RIMS4: variants seen among roughly 807,000 people sequenced by gnomAD.
RIMS4 encodes the protein regulating synaptic membrane exocytosis 4, also known as regulating synaptic membrane exocytosis protein 4.
RIMS4 carries 9 observed loss-of-function variants against 29.0 expected under a neutral mutation model. That is an observed-to-expected ratio of 0.31 (90% CI 0.19 to 0.54). The LOEUF is 0.54. Among genes scored for constraint, RIMS4 ranks in the 20% least tolerant of loss-of-function variants. The pLI is 0.94. For synonymous variants in RIMS4, 130 were observed against 152.9 expected (o/e 0.85, Z 1.10); for missense variants, 193 against 365.7 (o/e 0.53, Z 3.85).
At chr20:44,767,945 GGCTGAGATTCT>G (rs1438471943) in intron 2 of RIMS4, among the ~76,000 whole-genome samples, 1 of 152,218 alleles carries the variant, frequency 6.6e-6, no homozygotes, top group Non-Finnish European at 1.5e-5. Context: ...CTGGGGTAGA[GGCTGAGATTCT>G]GCATATTTAA....
intron 1 of RIMS4, among the ~76,000 whole-genome samples, chr20:44,780,080 A>C (rs1256249300): frequency 1.3e-5 from 2 of 152,232 alleles, no homozygotes; most frequent in Non-Finnish European, 2.9e-5. Context: ...ACATTCAATA[A>C]ATACTGGCTA....
At chr20:44,775,077 ATT>A (rs909513106) in intron 1 of RIMS4, among the ~76,000 whole-genome samples, 8 of 152,200 alleles carry the variant, frequency 5.3e-5, no homozygotes, top group African/African-American at 1.9e-4. Context: ...TGGCCCTTTC[ATT>A]CTCTCAACAG....
chr20:44,808,093 T>C (rs2066306865), intron 1 of RIMS4, among the ~76,000 whole-genome samples: 1 of 147,116 alleles, frequency 6.8e-6, no homozygotes, highest in Admixed American at 7.1e-5. Flanking sequence ...TATATATATA[T>C]ATATACACAC....
At chr20:44,759,345 G>A (rs568811280) in intron 2 of RIMS4, among the ~76,000 whole-genome samples, 2 of 152,264 alleles carry the variant, frequency 1.3e-5, no homozygotes, top group East Asian at 3.9e-4. Flanking sequence ...GAACTCCTGG[G>A]TTTAAGCGTT....
At chr20:44,766,816 C>T (rs577300770) in intron 2 of RIMS4, among the ~76,000 whole-genome samples, 2 of 152,272 alleles carry the variant, frequency 1.3e-5, no homozygotes, top group East Asian at 1.9e-4. Context: ...GACTTCTAAC[C>T]GCCAGAGTCT....
At chr20:44,769,850 AAGCCCC>A (rs1211193472) in intron 2 of RIMS4, among the ~76,000 whole-genome samples, 1 of 152,176 alleles carries the variant, frequency 6.6e-6, no homozygotes, top group Non-Finnish European at 1.5e-5. Flanking sequence ...AGTGGAGGCC[AAGCCCC>A]AGCCCCACCT....
intron 1 of RIMS4, among the ~76,000 whole-genome samples, chr20:44,799,030 T>G (rs2066266628): frequency 6.6e-6 from 1 of 152,226 alleles, no homozygotes; most frequent in South Asian, 2.1e-4. Flanking sequence ...GAGCCGGGTG[T>G]GGTGGCTCAT....
intron 2 of RIMS4, among the ~76,000 whole-genome samples, chr20:44,767,943 G>A (rs2066120908): frequency 6.6e-6 from 1 of 152,210 alleles, no homozygotes; most frequent in East Asian, 1.9e-4. Flanking sequence ...GTCTGGGGTA[G>A]AGGCTGAGAT....
At chr20:44,762,313 A>C (rs977892306) in intron 2 of RIMS4, among the ~76,000 whole-genome samples, 5 of 151,998 alleles carry the variant, frequency 3.3e-5, no homozygotes, top group African/African-American at 9.7e-5. Context: ...GGGACCCCTG[A>C]CCTCTTTCAC....
chr20:44,781,862 A>AATCCC (rs1182930550), intron 1 of RIMS4, among the ~76,000 whole-genome samples: 1 of 152,160 alleles, frequency 6.6e-6, no homozygotes, highest in Non-Finnish European at 1.5e-5. Context: ...TGGCACTGGG[A>AATCCC]AGCTACACAA....
chr20:44,755,934 G>A lies in RIMS4; in HGVS notation c.*200C>T, dbSNP rs527901948. The stretch of plus-strand genomic sequence containing the variant: ...CCAAGTCAAAAGTGTAGCCAATCCC[G>A]TTGGGAGAGGGGAGGTCTCGGGGGT... On this transcript the variant is annotated 3_prime_UTR_variant, in exon 6 of 6. Coordinates refer to ENST00000372851, the MANE Select transcript of RIMS4 (RefSeq NM_182970.4). 5.9e-5 allele frequency: 33 copies of A among 557,932 alleles called. No homozygotes were observed. The highest frequency in any genetic ancestry group is 9.4e-5 in the African/African-American group (5 of 53,452). The allele number at this position is 557,932 out of a possible 1,614,324, so 34.6% of individuals were successfully genotyped here. A position where few individuals can be genotyped will look rare whatever the true frequency, so the allele number is the denominator to read the frequency against.
intron 1 of RIMS4, among the ~76,000 whole-genome samples, chr20:44,805,371 T>C (rs570575234): frequency 6.6e-6 from 1 of 152,262 alleles, no homozygotes; most frequent in Admixed American, 6.5e-5. Context: ...CCCCTCTACT[T>C]GAACTATGGG....
chr20:44,798,224 C>A (rs1242291561), intron 1 of RIMS4, among the ~76,000 whole-genome samples: 1 of 152,138 alleles, frequency 6.6e-6, no homozygotes, highest in Admixed American at 6.5e-5. Flanking sequence ...AAGAGGCCCA[C>A]AAAGAAGCAT....
chr20:44,757,853 C>A, intron 3 of RIMS4, 82 bp from the exon 4 acceptor site: 1 of 1,250,414 alleles, frequency 8.0e-7, no homozygotes, highest in South Asian at 1.2e-5. Flanking sequence ...TTACTTAGGG[C>A]TGAAACCCCC....
Position 44,771,488 on chromosome 20 carries a change from G to A in RIMS4, c.98-75C>T, listed in dbSNP as rs1003324974. 6 of 1,507,888 alleles carry A rather than the reference G, an allele frequency of 4.0e-6. No individual in the cohort carries two copies. In the African/African-American group the frequency reaches 5.5e-5, roughly 14 times the overall value. The allele number at this position is 1,507,888 out of a possible 1,614,324, so 93.4% of individuals were successfully genotyped here. A position where few individuals can be genotyped will look rare whatever the true frequency, so the allele number is the denominator to read the frequency against. On this transcript the variant is annotated intron_variant, in intron 1 of 5. Transcript: ENST00000372851. Reference sequence around the variant, plus strand: ...GGGGGACAGAGAGAAGAGTCATCTGGTTAGCAGTGTTTCAGCAGCTGGGGG... The same window carrying A: ...GGGGGACAGAGAGAAGAGTCATCTGATTAGCAGTGTTTCAGCAGCTGGGGG...
intron 2 of RIMS4, among the ~76,000 whole-genome samples, chr20:44,764,255 C>CATCCATCCATCCATCCATCCATT (rs1325046131): frequency 8.3e-5 from 12 of 144,410 alleles, no homozygotes; most frequent in African/African-American, 2.1e-4. Flanking sequence ...TCCATCCATC[C>CATCCATCCATCCATCCATCCATT]TCCCACAAAC....
chr20:44,764,255 C>CATCCATCCATCCATCCATCCATTCATCCA (rs1325046131), intron 2 of RIMS4, among the ~76,000 whole-genome samples: 8 of 144,312 alleles, frequency 5.5e-5, no homozygotes, highest in African/African-American at 1.6e-4. Context: ...TCCATCCATC[C>CATCCATCCATCCATCCATCCATTCATCCA]TCCCACAAAC....
intron 1 of RIMS4, among the ~76,000 whole-genome samples, chr20:44,799,305 A>G (rs1045175938): frequency 8.6e-5 from 10 of 116,358 alleles, no homozygotes; most frequent in African/African-American, 2.4e-4. Context: ...TCCATCTCAG[A>G]AAAAAAAAAA....
rs555899514 is a variant in RIMS4 at position 44,754,446 on chromosome 20, G to A, written c.*1688C>T. On this transcript the variant is annotated 3_prime_UTR_variant, in exon 6 of 6. Coordinates refer to ENST00000372851, the MANE Select transcript of RIMS4 (RefSeq NM_182970.4). Reference sequence around the variant, plus strand: ...CAGGGTGGGACCAAAGGCAGCCTGGGTGTCCTCAGGAGAAAACAACACCCT... The same window carrying A: ...CAGGGTGGGACCAAAGGCAGCCTGGATGTCCTCAGGAGAAAACAACACCCT... 6.0e-4 allele frequency: 94 copies of A among 156,800 alleles called. No individual in the cohort carries two copies. The highest frequency in any genetic ancestry group is 1.2e-3 in the Non-Finnish European group (82 of 69,846). 9.7% of individuals were successfully genotyped at this position (156,800 alleles called of 1,614,324 possible).
Sources: allele counts gnomAD v4.1 joint callset (sites outside exome capture counted in the v4.1 genomes callset), GRCh38; gene constraint gnomAD v4.1.1; transcripts MANE v1.5; gene names NCBI Gene and HGNC (gene_info 2026-07-23, HGNC 2026-07-21).